Variants in ROR1 observed in about 807,000 individuals in gnomAD.
ROR1 encodes the protein ROR family WNT receptor 1, also known as inactive tyrosine-protein kinase transmembrane receptor ROR1.
ROR1 carries 19 observed loss-of-function variants against 78.8 expected under a neutral mutation model. That is an observed-to-expected ratio of 0.24 (90% confidence interval 0.17 to 0.35). The LOEUF (loss-of-function observed/expected upper bound fraction) is 0.35, where lower values mean the gene tolerates loss of function less well. ROR1 is among the 10% of genes least tolerant of loss of function. ROR1 has a pLI of 1.00. For missense variants in ROR1, 917 were observed against 1,177.8 expected (o/e 0.78, Z 3.24); for synonymous variants, 386 against 433.6 (o/e 0.89, Z 1.36).
chr1:64,063,500 T>G (rs185315178), intron 4 of ROR1, among the ~76,000 whole-genome samples: 72 of 152,354 alleles, frequency 4.7e-4, no homozygotes, highest in Middle Eastern at 3.4e-3. Context: ...TCTTCCTTCT[T>G]TGTTAAGCCT....
intron 1 of ROR1, among the ~76,000 whole-genome samples, chr1:63,871,786 T>C (rs1456187665): frequency 6.6e-6 from 1 of 152,198 alleles, no homozygotes; most frequent in African/African-American, 2.4e-5. Context: ...GACTGATGGG[T>C]TTACACCAAC....
chr1:63,987,269 T>A (rs1229946705), intron 1 of ROR1, among the ~76,000 whole-genome samples: 1 of 152,204 alleles, frequency 6.6e-6, no homozygotes, highest in Non-Finnish European at 1.5e-5. Flanking sequence ...CATGTTGTAC[T>A]GGTTCTTAAC....
rs1644798412 is a variant in ROR1, at chr1:63,801,707, A to G, written c.91+27199A>G. ...TAAGTAGCCTTTTTATCCAGCACTCATTAGACAGTTAATGAAAAAGGTTAG... is the reference window on the plus strand; with the variant it reads ...TAAGTAGCCTTTTTATCCAGCACTCGTTAGACAGTTAATGAAAAAGGTTAG... On this transcript the variant is annotated intron_variant, in intron 1 of 8. Coordinates refer to ENST00000371079, the MANE Select transcript of ROR1 (RefSeq NM_005012.4). Among the ~76,000 whole-genome samples the G allele has an allele frequency of 2.0e-5, 3 of 152,348 alleles. No homozygotes were observed. The South Asian group carries it at 6.2e-4, about 32-fold the overall frequency.
rs191858795 is a variant in ROR1 at position 63,880,896 on chromosome 1, C to G, written c.91+106388C>G. Among the ~76,000 whole-genome samples the G allele has an allele frequency of 1.9e-4, 29 of 152,228 alleles. 1 individual carries two copies. Among genetic ancestry groups the G allele is most frequent in the Admixed American group, 5.2e-4 (8 of 15,270 alleles). On this transcript the variant is annotated intron_variant, in intron 1 of 8. Transcript: ENST00000371079. ...CCCCAAATGTGGTTTAAATATAGCA[C>G]TAGGAATTCTTTAGGCCTCTGAAAG... is the stretch of plus-strand genomic sequence containing the variant.
intron 1 of ROR1, among the ~76,000 whole-genome samples, chr1:64,007,765 C>G (rs1006600372): frequency 2.0e-5 from 3 of 152,088 alleles, no homozygotes; most frequent in African/African-American, 7.2e-5. Context: ...GGTAACAATT[C>G]CAAACACGAC....
At chr1:64,018,909 C>A (rs934663004) in intron 2 of ROR1, among the ~76,000 whole-genome samples, 2 of 152,172 alleles carry the variant, frequency 1.3e-5, no homozygotes, top group African/African-American at 4.8e-5. Context: ...AGGCTAGACC[C>A]TATTCCCCTC....
chr1:63,993,611 G>C (rs1052759197), intron 1 of ROR1, among the ~76,000 whole-genome samples: 1 of 152,082 alleles, frequency 6.6e-6, no homozygotes, highest in African/African-American at 2.4e-5. Flanking sequence ...TTATATTGTT[G>C]TATACACACT....
At chr1:64,091,442 A>G (rs80354163) in intron 4 of ROR1, among the ~76,000 whole-genome samples, 3,066 of 152,312 alleles carry the variant, frequency 0.02, 97 homozygotes, top group African/African-American at 0.07. Flanking sequence ...GTATATTTGT[A>G]ATCACATGTA....
At chr1:64,174,863 C>T (rs763331737) in intron 8 of ROR1, among the ~76,000 whole-genome samples, 1 of 152,114 alleles carries the variant, frequency 6.6e-6, no homozygotes, top group Admixed American at 6.5e-5. Flanking sequence ...CCTTTCTCAT[C>T]ACCCACACCT....
intron 2 of ROR1, among the ~76,000 whole-genome samples, chr1:64,028,123 T>C (rs1646629077): frequency 6.6e-6 from 1 of 152,228 alleles, no homozygotes. Flanking sequence ...GCATGTAGTT[T>C]AGATTTTTTA....
chr1:63,913,224 T>C (rs1179291346), intron 1 of ROR1, among the ~76,000 whole-genome samples: 4 of 152,208 alleles, frequency 2.6e-5, no homozygotes, highest in Admixed American at 6.5e-5. Flanking sequence ...TATGGATATA[T>C]TAATGTAGAA....
At chr1:64,067,798 C>T (rs893818320) in intron 4 of ROR1, among the ~76,000 whole-genome samples, 11 of 150,312 alleles carry the variant, frequency 7.3e-5, no homozygotes, top group African/African-American at 1.5e-4. Context: ...CTGCAAGCTC[C>T]GCCTCCCGGG....
At chr1:64,147,018 C>T (rs1236768525) in intron 7 of ROR1, among the ~76,000 whole-genome samples, 2 of 152,304 alleles carry the variant, frequency 1.3e-5, no homozygotes, top group Admixed American at 1.3e-4. Context: ...TGTTCTTTTA[C>T]CAGACACTCT....
chr1:63,974,521 C>T (rs1248413399), intron 1 of ROR1, among the ~76,000 whole-genome samples: 5 of 152,002 alleles, frequency 3.3e-5, no homozygotes. Flanking sequence ...CAGCTCAATG[C>T]AACCTTCGCT....
chr1:64,120,154 CTGA>C (rs1648476094), intron 4 of ROR1, among the ~76,000 whole-genome samples: 1 of 152,134 alleles, frequency 6.6e-6, no homozygotes, highest in African/African-American at 2.4e-5. Flanking sequence ...AACCTACTGG[CTGA>C]TGATGATTAT....
intron 4 of ROR1, among the ~76,000 whole-genome samples, chr1:64,093,056 C>T (rs1398417986): frequency 2.0e-5 from 3 of 152,164 alleles, no homozygotes; most frequent in South Asian, 2.1e-4. Context: ...CTGTTGAAGC[C>T]GGGAAACCCT....
chr1:64,148,678 C>T (rs1362521138), intron 7 of ROR1, among the ~76,000 whole-genome samples: 2 of 152,140 alleles, frequency 1.3e-5, no homozygotes, highest in African/African-American at 4.8e-5. Context: ...ATCTGTGAAC[C>T]TTCACTCCAG....
At chr1:63,865,409 T>C (rs1370974821) in intron 1 of ROR1, among the ~76,000 whole-genome samples, 1 of 152,242 alleles carries the variant, frequency 6.6e-6, no homozygotes, top group African/African-American at 2.4e-5. Flanking sequence ...ATCTATCTCA[T>C]CCTTATATAC....
At position 63,774,338 on chromosome 1, in the gene ROR1, C is replaced by T; in HGVS notation, c.-80C>T. The T allele has an allele frequency of 4.2e-6, 4 of 946,572 alleles. No homozygotes were observed. The highest frequency in any genetic ancestry group is 1.8e-5 in the South Asian group (1 of 56,276). The allele number at this position is 946,572 out of a possible 1,614,324, so 58.6% of individuals were successfully genotyped here. On this transcript the variant is annotated 5_prime_UTR_variant, in exon 1 of 9. Coordinates refer to ENST00000371079, the MANE Select transcript of ROR1 (RefSeq NM_005012.4). The surrounding 1 kb of genome is among the most constrained non-coding windows in gnomAD (Gnocchi z 5.7). ...AGCGCCAGCGGCCGGGACGAGGCGGCCGGGAGCCCGGGAAGAGCCCGTGGA... is the reference window on the plus strand; with the variant it reads ...AGCGCCAGCGGCCGGGACGAGGCGGTCGGGAGCCCGGGAAGAGCCCGTGGA...
Sources: gnomAD v4.1 joint callset for allele counts (sites outside exome capture counted in the v4.1 genomes callset) on GRCh38, gnomAD v4.1.1 for gene constraint, Gnocchi (gnomAD v3.1) non-coding constraint, MANE v1.5 for transcripts, NCBI Gene and HGNC (gene_info 2026-07-23, HGNC 2026-07-21) for gene names.